Variants in CALCR observed in about 807,000 individuals in gnomAD.
CALCR encodes the protein calcitonin receptor.
CALCR carries 47 observed loss-of-function variants against 59.5 expected under a neutral mutation model. The observed-to-expected ratio is 0.79, with a 90% CI of 0.63 to 1.01. The LOEUF is 1.01. CALCR is among the 50% of genes least tolerant of loss of function. The pLI is 0.00. For synonymous variants in CALCR, 213 were observed against 211.3 expected, an observed-to-expected ratio of 1.01 and a Z score of -0.07; for missense variants, 566 against 597.1, an observed-to-expected ratio of 0.95 and a Z score of 0.54.
chr7:93,517,263 T>C (rs1801668575), intron 2 of CALCR, among the ~76,000 whole-genome samples: 1 of 151,706 alleles, frequency 6.6e-6, no homozygotes, highest in South Asian at 2.1e-4. Context: ...AGTGGAAAGA[T>C]CTTTGGATTA....
intron 2 of CALCR, among the ~76,000 whole-genome samples, chr7:93,555,679 C>CAAAA (rs4015268): frequency 0.29 from 43,781 of 151,782 alleles, 7,563 homozygotes; most frequent in Non-Finnish European, 0.39. Flanking sequence ...GTAATTATAT[C>CAAAA]AAAGTGGCAT....
rs555538015 is a variant in CALCR at position 93,478,025 on chromosome 7, T to C, written c.206-357A>G. Among the ~76,000 whole-genome samples, 4 of 140,042 alleles carry C rather than the reference T, an allele frequency of 2.9e-5. No homozygotes were observed. In the South Asian group the frequency reaches 9.2e-4, roughly 32 times the overall value. The allele number at this position is 140,042 out of a possible 152,430, so 91.9% of individuals were successfully genotyped here. A position where few individuals can be genotyped will look rare whatever the true frequency, so the allele number is the denominator to read the frequency against. ...ACCTAAAACCATGAAGATTTACTTCTATAAAGGTATGTATTCAAAAGAATC... is the reference window on the plus strand; with the variant it reads ...ACCTAAAACCATGAAGATTTACTTCCATAAAGGTATGTATTCAAAAGAATC... On this transcript the variant is annotated intron_variant, in intron 4 of 13. Coordinates refer to ENST00000426151, the MANE Select transcript of CALCR (RefSeq NM_001742.4).
At chr7:93,556,410 A>G (rs1789607518) in intron 2 of CALCR, among the ~76,000 whole-genome samples, 2 of 152,186 alleles carry the variant, frequency 1.3e-5, no homozygotes, top group South Asian at 4.1e-4. Context: ...GCTCTAAAAT[A>G]TTTTCCATTA....
intron 3 of CALCR, among the ~76,000 whole-genome samples, chr7:93,485,322 G>A (rs745825343): frequency 1.3e-5 from 2 of 151,568 alleles, no homozygotes; most frequent in Non-Finnish European, 3.0e-5. Flanking sequence ...ATGCAAAGAT[G>A]TGCATTTTTT....
At chr7:93,469,924 A>G (rs2115846430) in intron 6 of CALCR, among the ~76,000 whole-genome samples, 1 of 151,836 alleles carries the variant, frequency 6.6e-6, no homozygotes, top group East Asian at 1.9e-4. Context: ...ATTTCCTCAG[A>G]AAGAGTCTGG....
intron 2 of CALCR, among the ~76,000 whole-genome samples, chr7:93,537,835 G>A (rs1283445352): frequency 6.6e-6 from 1 of 151,714 alleles, no homozygotes; most frequent in Non-Finnish European, 1.5e-5. Context: ...GTATTTTCCT[G>A]ACCAAATCAA....
intron 2 of CALCR, among the ~76,000 whole-genome samples, chr7:93,546,826 G>A (rs982510280): frequency 6.6e-6 from 1 of 151,952 alleles, no homozygotes; most frequent in African/African-American, 2.4e-5. Context: ...CTCCCAAAGT[G>A]CTGGGATTAC....
At chr7:93,429,484 TG>T (rs972811987) in intron 13 of CALCR, among the ~76,000 whole-genome samples, 11 of 152,222 alleles carry the variant, frequency 7.2e-5, no homozygotes, top group Non-Finnish European at 1.3e-4. Flanking sequence ...TATCTATTTA[TG>T]TATTGCCAAC....
At chr7:93,456,846 C>T (rs1247839934) in intron 8 of CALCR, among the ~76,000 whole-genome samples, 1 of 152,116 alleles carries the variant, frequency 6.6e-6, no homozygotes. Context: ...CAATCTCACT[C>T]CTCTATACAC....
chr7:93,486,826 G>A lies in CALCR; in HGVS notation c.51+105C>T, dbSNP rs9691220. 0.51 allele frequency: 379,703 copies of A among 746,212 alleles called. 98,477 individuals are homozygous for A. The highest frequency in any genetic ancestry group is 0.67 in the East Asian group (24,270 of 36,294). The allele number at this position is 746,212 out of a possible 1,614,324, so 46.2% of individuals were successfully genotyped here. On this transcript the variant is annotated intron_variant, in intron 3 of 13. Transcript: ENST00000426151. ...GAGGAACTTAGTTTCGGCTTCTGGA[G>A]ACCAATGCCTACCCTTGCAAATACT...
intron 2 of CALCR, among the ~76,000 whole-genome samples, chr7:93,527,598 T>C (rs556728386): frequency 6.6e-5 from 10 of 152,286 alleles, no homozygotes; most frequent in Non-Finnish European, 1.3e-4. Context: ...AATTACGAGT[T>C]AGCAGCCATT....
At chr7:93,524,274 A>T (rs1176241112) in intron 2 of CALCR, among the ~76,000 whole-genome samples, 2 of 149,132 alleles carry the variant, frequency 1.3e-5, no homozygotes, top group Non-Finnish European at 3.0e-5. Context: ...GGTTCACGCC[A>T]TTCTCCTGCC....
intron 2 of CALCR, among the ~76,000 whole-genome samples, chr7:93,495,409 G>T (rs1056380197): frequency 6.6e-6 from 1 of 151,356 alleles, no homozygotes; most frequent in Non-Finnish European, 1.5e-5. Context: ...AATGTTGGTT[G>T]CTTGGTTTAA....
intron 2 of CALCR, among the ~76,000 whole-genome samples, chr7:93,562,160 C>G (rs1327814371): frequency 6.6e-6 from 1 of 151,190 alleles, no homozygotes; most frequent in Admixed American, 6.6e-5. Context: ...TATTTTTATT[C>G]TTATTTCTTA....
intron 7 of CALCR, among the ~76,000 whole-genome samples, chr7:93,464,730 T>G (rs932566760): frequency 6.6e-6 from 1 of 151,980 alleles, no homozygotes. Context: ...TTATCTTTGG[T>G]GTCTGTCCTG....
At chr7:93,521,081 C>T (rs1438002836) in intron 2 of CALCR, among the ~76,000 whole-genome samples, 9 of 152,078 alleles carry the variant, frequency 5.9e-5, no homozygotes, top group Non-Finnish European at 1.0e-4. Context: ...AGGTCCAAAC[C>T]CTTCCCCTGG....
At chr7:93,491,965 A>G (rs867886537) in intron 2 of CALCR, among the ~76,000 whole-genome samples, 1 of 151,894 alleles carries the variant, frequency 6.6e-6, no homozygotes, top group Non-Finnish European at 1.5e-5. Context: ...TGTTTATTGC[A>G]GCACTATTTA....
rs751608659 is a variant in CALCR at position 93,426,384 on chromosome 7, T to A, written c.1397A>T (p.Asn466Ile). 1 of 1,610,294 alleles carries A rather than the reference T, an allele frequency of 6.2e-7. No homozygotes were observed. The highest frequency in any genetic ancestry group is 1.7e-5 in the Admixed American group (1 of 60,018). The change falls in exon 14 of 14, where the codon AAT becomes ATT. Residue 466 changes from asparagine (N) to isoleucine (I), a missense_variant. Transcript: ENST00000426151. ...GEESAEIIPL[N>I]IIEQESSA ...AGCAGATGACTCTTGCTCTATGATATTCAAAGGGATGATCTCAGCACTCTC... is the reference window on the plus strand; with the variant it reads ...AGCAGATGACTCTTGCTCTATGATAATCAAAGGGATGATCTCAGCACTCTC...
chr7:93,443,468 G>T, intron 9 of CALCR, 136 bp downstream of exon 9: 1 of 756,228 alleles, frequency 1.3e-6, no homozygotes, highest in Non-Finnish European at 2.2e-6. Flanking sequence ...CTGAACTCCT[G>T]CCAGTACCTG....
Sources: allele counts gnomAD v4.1 joint callset (sites outside exome capture counted in the v4.1 genomes callset), GRCh38; gene constraint gnomAD v4.1.1; transcripts MANE v1.5; gene names NCBI Gene and HGNC (gene_info 2026-07-23, HGNC 2026-07-21).